C12orf56: variants seen among roughly 807,000 people sequenced by gnomAD.
The protein encoded by C12orf56 is uncharacterized protein C12orf56.
A neutral mutation model predicts 69.9 loss-of-function variants in C12orf56; 71 were observed. The observed-to-expected ratio is 1.02, with a 90% CI of 0.84 to 1.24. The LOEUF is 1.24. Ranked by LOEUF, C12orf56 falls within the 50% of genes most tolerant of loss-of-function variation. The probability of loss-of-function intolerance (pLI) is 0.00; values close to 1 mark genes in which losing one functional copy is unlikely to be tolerated. For synonymous variants in C12orf56, 276 were observed against 274.1 expected, an observed-to-expected ratio of 1.01 and a Z score of -0.07; for missense variants, 732 against 738.5, an observed-to-expected ratio of 0.99 and a Z score of 0.10.
chr12:64,303,650 T>G lies in C12orf56; in HGVS notation c.1098A>C (p.Lys366Asn). The change falls in exon 6 of 13, where the codon AAA becomes AAC. Residue 366 changes from lysine (K) to asparagine (N), a missense_variant. Transcript: ENST00000543942. ...AAACACTTACCTTCCAGAAAAGCCT[T>G]TTCAGAATGAAGTTTTTCTGGGCTG... ...KVAAQKNFIL[K>N]RLFWKTSDLF... The G allele has an allele frequency of 6.4e-7, 1 of 1,557,700 alleles. No homozygotes were observed. Among genetic ancestry groups the G allele is most frequent in the East Asian group, 2.3e-5 (1 of 43,004 alleles).
At chr12:64,319,300 T>G (rs1256012089) in intron 3 of C12orf56, among the ~76,000 whole-genome samples, 1 of 152,238 alleles carries the variant, frequency 6.6e-6, no homozygotes, top group Admixed American at 6.5e-5. Context: ...TGAAAGGACT[T>G]TTTAAGTTTT....
At chr12:64,316,075 T>A (rs542024826) in intron 4 of C12orf56, among the ~76,000 whole-genome samples, 101 of 152,208 alleles carry the variant, frequency 6.6e-4, no homozygotes, top group Non-Finnish European at 1.2e-3. Flanking sequence ...ATTATTGTAA[T>A]TTTTAAAACT....
intron 2 of C12orf56, among the ~76,000 whole-genome samples, chr12:64,345,704 C>G (rs73118341): frequency 6.6e-6 from 1 of 151,992 alleles, no homozygotes; most frequent in Non-Finnish European, 1.5e-5. Flanking sequence ...CTGCTTCTGA[C>G]GCTGGTAGAT....
chr12:64,267,290 T>G lies in C12orf56; in HGVS notation c.1764-2A>C. ...AAGGCTGGCATGTGAATAAAGTACC[T>G]GCAAATCATAAAAAGAAACAAAATA... On this transcript the variant is annotated splice_acceptor_variant, in intron 12 of 12. Coordinates refer to ENST00000543942, the MANE Select transcript of C12orf56 (RefSeq NM_001170633.2). LOFTEE classifies it high-confidence loss of function. The G allele has an allele frequency of 6.3e-7, 1 of 1,599,962 alleles. No homozygotes were observed. Among genetic ancestry groups the G allele is most frequent in the South Asian group, 1.1e-5 (1 of 88,396 alleles).
chr12:64,311,292 G>A (rs115963765), intron 5 of C12orf56, among the ~76,000 whole-genome samples: 1,910 of 151,722 alleles, frequency 0.013, 45 homozygotes, highest in African/African-American at 0.043. Context: ...AAAATTAGCC[G>A]GGCATGGCTA....
At chr12:64,271,357 T>C (rs1158731523) in intron 11 of C12orf56, among the ~76,000 whole-genome samples, 2 of 150,856 alleles carry the variant, frequency 1.3e-5, no homozygotes, top group Non-Finnish European at 3.0e-5. Flanking sequence ...CCCAGCTACT[T>C]GGGAGGCTGA....
rs182368905 is a variant in C12orf56 at position 64,357,815 on chromosome 12, C to T, written c.253-4759G>A. Among the ~76,000 whole-genome samples, 8 of 152,028 alleles carry T rather than the reference C, an allele frequency of 5.3e-5. No homozygotes were observed. In the East Asian group the frequency reaches 5.8e-4, roughly 11 times the overall value. ...AATCAGGAGGCTGAGGCAGAAGAATCGCTTGAACCTGGAGACAGAGGCTGC... is the reference window on the plus strand; with the variant it reads ...AATCAGGAGGCTGAGGCAGAAGAATTGCTTGAACCTGGAGACAGAGGCTGC... On this transcript the variant is annotated intron_variant, in intron 1 of 12. Transcript: ENST00000543942.
intron 2 of C12orf56, among the ~76,000 whole-genome samples, chr12:64,345,432 C>G (rs2039127617): frequency 1.3e-5 from 2 of 152,190 alleles, no homozygotes. Context: ...AAAAGTTCAT[C>G]AGAGTTTACA....
At chr12:64,326,671 C>T (rs571897781) in intron 3 of C12orf56, among the ~76,000 whole-genome samples, 30 of 151,190 alleles carry the variant, frequency 2.0e-4, no homozygotes, top group African/African-American at 7.1e-4. Context: ...ACCCAGGAGG[C>T]GGAGGTTGCA....
chr12:64,339,916 G>T (rs1264483947), intron 2 of C12orf56, among the ~76,000 whole-genome samples: 3 of 152,052 alleles, frequency 2.0e-5, no homozygotes, highest in African/African-American at 7.2e-5. Context: ...AGAGCCCAAT[G>T]TGTCCAGGTG....
At position 64,318,618 on chromosome 12, in the gene C12orf56, G is replaced by A; in HGVS notation, c.851C>T (p.Ser284Leu). Residue 284 changes from serine to leucine, a missense_variant, in exon 4 of 13, where the codon TCA becomes TTA. Physicochemically the swap from Ser to Leu is moderately radical, Grantham distance 145. Transcript: ENST00000543942. ...LHLYVISTTS[S>L]IFLHLKSSWN... ...TGAACTTTTTAAGTGCAGAAATATT[G>A]ATGAGGTTGTGGAAATAACATACAA... 6.5e-7 allele frequency: 1 copy of A among 1,536,668 alleles called. No homozygotes were observed. The highest frequency in any genetic ancestry group is 1.7e-4 in the Middle Eastern group (1 of 5,990).
At chr12:64,294,525 A>G (rs915996713) in intron 6 of C12orf56, among the ~76,000 whole-genome samples, 3 of 152,220 alleles carry the variant, frequency 2.0e-5, no homozygotes, top group Admixed American at 2.0e-4. Context: ...GATACATGCT[A>G]CAACATGGAT....
At chr12:64,336,924 C>G (rs1407274485) in intron 2 of C12orf56, among the ~76,000 whole-genome samples, 1 of 152,126 alleles carries the variant, frequency 6.6e-6, no homozygotes, top group Non-Finnish European at 1.5e-5. Flanking sequence ...CCCTGTCCAC[C>G]TTATTTCATG....
At chr12:64,335,033 C>T (rs995952159) in intron 2 of C12orf56, among the ~76,000 whole-genome samples, 1 of 152,130 alleles carries the variant, frequency 6.6e-6, no homozygotes, top group Non-Finnish European at 1.5e-5. Context: ...AGATATAGAA[C>T]ATCTCCATCA....
chr12:64,304,014 A>G (rs112427037), intron 5 of C12orf56, among the ~76,000 whole-genome samples: 12 of 152,262 alleles, frequency 7.9e-5, no homozygotes, highest in African/African-American at 2.2e-4. Context: ...AGCTGTTCCT[A>G]TACCAGGAAT....
intron 6 of C12orf56, 93 bp downstream of exon 6, chr12:64,303,542 C>T (rs2038474142): frequency 9.4e-7 from 1 of 1,067,440 alleles, no homozygotes. Context: ...CATCAGAATA[C>T]AAGACAACTC....
intron 2 of C12orf56, among the ~76,000 whole-genome samples, chr12:64,336,397 G>T (rs1031330841): frequency 6.6e-6 from 1 of 152,016 alleles, no homozygotes; most frequent in Non-Finnish European, 1.5e-5. Context: ...AAAGTTTCTA[G>T]GAATTTAAAT....
At chr12:64,274,598 A>C (rs1318700311) in intron 11 of C12orf56, among the ~76,000 whole-genome samples, 1 of 152,212 alleles carries the variant, frequency 6.6e-6, no homozygotes, top group Non-Finnish European at 1.5e-5. Context: ...TATTTAAGGT[A>C]AATGTTTATC....
At chr12:64,374,411 T>A (rs557344223) in intron 1 of C12orf56, among the ~76,000 whole-genome samples, 3 of 152,316 alleles carry the variant, frequency 2.0e-5, no homozygotes, top group African/African-American at 7.2e-5. Context: ...CAATCTTGAA[T>A]GGAGAGTCAT....
Sources: allele counts gnomAD v4.1 joint callset (sites outside exome capture counted in the v4.1 genomes callset), GRCh38; gene constraint gnomAD v4.1.1; transcripts MANE v1.5; gene names NCBI Gene and HGNC (gene_info 2026-07-23, HGNC 2026-07-21).